DAB1: variants seen among roughly 807,000 people sequenced by gnomAD.
DAB1 encodes the protein DAB adaptor protein 1, also known as disabled homolog 1.
Under a neutral mutation model 64.6 loss-of-function variants are expected in DAB1, and 15 were observed. The ratio of observed to expected loss-of-function variants is 0.23; its 90% confidence interval spans 0.16 to 0.36. The LOEUF (loss-of-function observed/expected upper bound fraction) is 0.36, where lower values mean the gene tolerates loss of function less well. Ranked by LOEUF, DAB1 falls within the 10% of genes least tolerant of loss-of-function variation. The pLI, the probability that DAB1 is intolerant of heterozygous loss-of-function variation, is 1.00. For missense variants in DAB1, 596 were observed against 706.7 expected, an observed-to-expected ratio of 0.84 and a Z score of 1.78; for synonymous variants, 235 against 251.9, an observed-to-expected ratio of 0.93 and a Z score of 0.64.
chr1:57,208,479 C>A (rs545218938), intron 2 of DAB1, among the ~76,000 whole-genome samples: 5 of 152,190 alleles, frequency 3.3e-5, no homozygotes, highest in Non-Finnish European at 7.3e-5. Flanking sequence ...GGAACAACAG[C>A]CTTTCAGACC....
chr1:57,152,185 G>A (rs1189358747), intron 2 of DAB1, among the ~76,000 whole-genome samples: 2 of 152,130 alleles, frequency 1.3e-5, no homozygotes, highest in Admixed American at 6.5e-5. Flanking sequence ...TGGCTGTCTG[G>A]GTGAGCATAC....
At chr1:57,431,541 A>G (rs1329822109) in intron 7 of DAB1, among the ~76,000 whole-genome samples, 3 of 152,158 alleles carry the variant, frequency 2.0e-5, no homozygotes, top group Admixed American at 2.0e-4. Context: ...ATTCCAGCGA[A>G]AGGTTGTGTG....
At chr1:57,473,892 A>G (rs1643897626) in intron 7 of DAB1, among the ~76,000 whole-genome samples, 1 of 152,212 alleles carries the variant, frequency 6.6e-6, no homozygotes, top group African/African-American at 2.4e-5. Flanking sequence ...ATTCATTCTT[A>G]AAGACAGGGT....
intron 7 of DAB1, among the ~76,000 whole-genome samples, chr1:57,530,906 C>T (rs2101414938): frequency 6.6e-6 from 1 of 152,264 alleles, no homozygotes; most frequent in Admixed American, 6.5e-5. Flanking sequence ...GGCCCAGGTT[C>T]AAGGCTAGGC....
chr1:57,227,020 A>T (rs1042159536), intron 2 of DAB1, among the ~76,000 whole-genome samples: 1 of 151,892 alleles, frequency 6.6e-6, no homozygotes, highest in African/African-American at 2.4e-5. Flanking sequence ...TCTCAAAAAA[A>T]AAAAAAATTG....
chr1:58,264,815 G>A (rs1405472287), intron 4 of DAB1, among the ~76,000 whole-genome samples: 3 of 152,118 alleles, frequency 2.0e-5, no homozygotes, highest in Non-Finnish European at 4.4e-5. Context: ...ATTTCCCAGT[G>A]GCCACCTCTA....
chr1:57,763,251 A>G (rs1649162465), intron 6 of DAB1, among the ~76,000 whole-genome samples: 1 of 152,176 alleles, frequency 6.6e-6, no homozygotes, highest in South Asian at 2.1e-4. Context: ...AAAGTATAGA[A>G]AGAGGACACT....
intron 7 of DAB1, among the ~76,000 whole-genome samples, chr1:57,506,370 C>A (rs530625792): frequency 6.6e-6 from 1 of 152,170 alleles, no homozygotes; most frequent in Non-Finnish European, 1.5e-5. Context: ...ATTCACACTG[C>A]GTTATCAGAG....
intron 1 of DAB1, among the ~76,000 whole-genome samples, chr1:57,292,240 T>C (rs758351950): frequency 5.0e-4 from 76 of 152,192 alleles, no homozygotes; most frequent in Non-Finnish European, 4.9e-4. Context: ...CATGACAATC[T>C]AGTTAATCTT....
At chr1:57,984,310 C>G (rs1646158448) in intron 5 of DAB1, among the ~76,000 whole-genome samples, 1 of 150,320 alleles carries the variant, frequency 6.7e-6, no homozygotes. Context: ...TGCTGGATCT[C>G]TAGGGTGGTC....
chr1:58,028,761 A>T (rs1315439564), intron 5 of DAB1, among the ~76,000 whole-genome samples: 1 of 152,186 alleles, frequency 6.6e-6, no homozygotes, highest in Admixed American at 6.5e-5. Flanking sequence ...AAATTTGCAA[A>T]TGTGGAATCT....
intron 5 of DAB1, among the ~76,000 whole-genome samples, chr1:57,898,994 C>T (rs1186557335): frequency 6.6e-6 from 1 of 151,402 alleles, no homozygotes; most frequent in East Asian, 1.9e-4. Flanking sequence ...TCGGTTTGTT[C>T]CAGAGACTGG....
intron 1 of DAB1, among the ~76,000 whole-genome samples, chr1:57,827,083 T>C (rs1652382905): frequency 6.6e-6 from 1 of 152,232 alleles, no homozygotes. Context: ...CTCTTTATTG[T>C]TTAATATAAG....
intron 6 of DAB1, among the ~76,000 whole-genome samples, chr1:57,794,117 T>C (rs979994602): frequency 5.9e-5 from 9 of 152,182 alleles, no homozygotes; most frequent in African/African-American, 2.2e-4. Flanking sequence ...ATGTTCCAAA[T>C]GCAAGATTGG....
intron 4 of DAB1, among the ~76,000 whole-genome samples, chr1:58,313,971 G>A (rs564215348): frequency 1.2e-4 from 18 of 151,914 alleles, no homozygotes. Context: ...ATATGAATTT[G>A]GTGGGTACCC....
chr1:57,812,114 T>A (rs1157416985), intron 6 of DAB1, among the ~76,000 whole-genome samples: 2 of 151,960 alleles, frequency 1.3e-5, no homozygotes. Flanking sequence ...CTCTTAGTTT[T>A]ATTTGTTGAT....
intron 2 of DAB1, among the ~76,000 whole-genome samples, chr1:57,216,028 G>C (rs1242603762): frequency 1.3e-5 from 2 of 152,164 alleles, no homozygotes; most frequent in Non-Finnish European, 2.9e-5. Flanking sequence ...GAACTAATCA[G>C]AATTAATTCT....
rs557913483 is a variant in DAB1 at position 58,072,275 on chromosome 1, T to G, written n.387+78236A>C. On this transcript the variant is annotated intron_variant and non_coding_transcript_variant, in intron 5 of 20. Coordinates refer to the DAB1 transcript ENST00000485760. ...TAATCAGAGCAAAGTTATTAAATAT[T>G]TATTTTGGGCCATTCATAGTGTTGA... Among the ~76,000 whole-genome samples, 216 of 152,304 alleles carry G rather than the reference T, an allele frequency of 1.4e-3. 3 individuals carry two copies. In the South Asian group the frequency reaches 0.044, roughly 31 times the overall value.
chr1:57,283,949 T>A (rs975104807), intron 2 of DAB1, among the ~76,000 whole-genome samples: 3 of 152,180 alleles, frequency 2.0e-5, no homozygotes, highest in Non-Finnish European at 4.4e-5. Flanking sequence ...ATATGTCAAC[T>A]TCCAGAGAAG....
Sources: allele counts gnomAD v4.1 joint callset (sites outside exome capture counted in the v4.1 genomes callset), GRCh38; gene constraint gnomAD v4.1.1; transcripts MANE v1.5; gene names NCBI Gene and HGNC (gene_info 2026-07-23, HGNC 2026-07-21).